The following SPRY3 variants were observed in gnomAD, a reference collection of about 807,000 sequenced individuals.
The protein encoded by SPRY3 is sprouty RTK signaling antagonist 3, also known as protein sprouty homolog 3.
SPRY3 carries 15 observed loss-of-function variants against 20.2 expected under a neutral mutation model. The observed-to-expected ratio is 0.74, with a 90% CI of 0.50 to 1.14. The LOEUF is 1.14. Among genes scored for constraint, SPRY3 ranks in the 50% most tolerant of loss-of-function variants. The probability of loss-of-function intolerance (pLI) is 0.00; values close to 1 mark genes in which losing one functional copy is unlikely to be tolerated. For missense variants in SPRY3, 364 were observed against 363.9 expected (o/e 1.00, Z 0.00); for synonymous variants, 143 against 136.5 (o/e 1.05, Z -0.33).
At chrX:155,769,164 C>G (rs984378085) in intron 3 of SPRY3, among the ~76,000 whole-genome samples, 1 of 152,096 alleles carries the variant, frequency 6.6e-6, no homozygotes, top group Non-Finnish European at 1.5e-5. Flanking sequence ...CTATAACATT[C>G]TATATATTTG....
At chrX:155,765,028 G>A (rs1392248783) in intron 2 of SPRY3, among the ~76,000 whole-genome samples, 2 of 152,100 alleles carry the variant, frequency 1.3e-5, no homozygotes, top group East Asian at 3.8e-4. Context: ...GCCAAGGCAG[G>A]TCTTCGGGGC....
intron 2 of SPRY3, among the ~76,000 whole-genome samples, chrX:155,710,661 C>G (rs1205733287): frequency 2.0e-5 from 3 of 151,592 alleles, no homozygotes; most frequent in Admixed American, 6.6e-5. Context: ...ATTTCTTTCT[C>G]TTGTCTGATT....
At chrX:155,724,393 G>A (rs2091083636) in intron 2 of SPRY3, among the ~76,000 whole-genome samples, 1 of 152,114 alleles carries the variant, frequency 6.6e-6, no homozygotes, top group African/African-American at 2.4e-5. Context: ...CTATTTTCAT[G>A]ATATTCATTC....
intron 2 of SPRY3, among the ~76,000 whole-genome samples, chrX:155,743,359 C>G (rs2091212279): frequency 6.6e-6 from 1 of 152,044 alleles, no homozygotes; most frequent in African/African-American, 2.4e-5. Context: ...CATGGTCATG[C>G]CAAGTGTCTC....
chrX:155,718,067 T>G (rs2091034146), intron 2 of SPRY3, among the ~76,000 whole-genome samples: 1 of 152,134 alleles, frequency 6.6e-6, no homozygotes, highest in African/African-American at 2.4e-5. Context: ...TCCCACTGTT[T>G]TTACTGGAAT....
intron 2 of SPRY3, among the ~76,000 whole-genome samples, chrX:155,715,990 C>A (rs1238007797): frequency 1.3e-5 from 2 of 152,172 alleles, no homozygotes; most frequent in Admixed American, 1.3e-4. Context: ...TTGCCCTCCT[C>A]AATGCCTCTT....
At chrX:155,762,574 G>A (rs1246774752) in intron 2 of SPRY3, among the ~76,000 whole-genome samples, 2 of 152,114 alleles carry the variant, frequency 1.3e-5, no homozygotes, top group Admixed American at 6.6e-5. Context: ...TGTAACTAAA[G>A]CATTTGTGAT....
intron 1 of SPRY3, among the ~76,000 whole-genome samples, chrX:155,644,626 A>C (rs889156372): frequency 9.0e-6 from 1 of 111,026 alleles, no homozygotes; most frequent in African/African-American, 3.3e-5. Context: ...CCACCAGCAC[A>C]GGCCCACAGG....
intron 1 of SPRY3, among the ~76,000 whole-genome samples, chrX:155,638,249 G>A (rs1375949328): frequency 1.1e-5 from 1 of 89,968 alleles, no homozygotes; most frequent in Non-Finnish European, 2.1e-5. Flanking sequence ...GAGCCCAGAT[G>A]TTCAAGACCA....
intron 2 of SPRY3, among the ~76,000 whole-genome samples, chrX:155,717,729 T>C (rs990231302): frequency 3.3e-5 from 5 of 152,142 alleles, no homozygotes; most frequent in African/African-American, 1.2e-4. Flanking sequence ...CTGGAAAGGA[T>C]ATGAACTCAT....
intron 2 of SPRY3, chrX:155,767,662 G>A (rs770084046): frequency 3.5e-5 from 5 of 144,090 alleles, no homozygotes; most frequent in African/African-American, 1.3e-4. Flanking sequence ...ACAGGAGGAG[G>A]AGGAGAAGGG....
At chrX:155,745,068 C>G (rs144759332) in intron 2 of SPRY3, among the ~76,000 whole-genome samples, 5,664 of 152,062 alleles carry the variant, frequency 0.037, 156 homozygotes, top group East Asian at 0.15. Context: ...TCTCACCATT[C>G]AAATGTTCCT....
chrX:155,772,738 T>C (rs1485793194), intron 3 of SPRY3, among the ~76,000 whole-genome samples: 1 of 152,136 alleles, frequency 6.6e-6, no homozygotes. Flanking sequence ...TTCCTGACTG[T>C]AGTACAATGG....
intron 2 of SPRY3, among the ~76,000 whole-genome samples, chrX:155,727,674 C>T (rs1457602497): frequency 1.3e-5 from 2 of 152,062 alleles, no homozygotes; most frequent in Admixed American, 1.3e-4. Flanking sequence ...CTTCTCTACT[C>T]TGTTTATTCT....
At chrX:155,740,052 T>A (rs921333499) in intron 2 of SPRY3, among the ~76,000 whole-genome samples, 107 of 152,138 alleles carry the variant, frequency 7.0e-4, no homozygotes, top group Non-Finnish European at 1.4e-3. Flanking sequence ...AGGGACCAGC[T>A]GGAGCTGCAG....
chrX:155,675,140 C>G (rs2068055424), intron 2 of SPRY3, among the ~76,000 whole-genome samples: 1 of 111,842 alleles, frequency 8.9e-6, no homozygotes, highest in Non-Finnish European at 1.9e-5. Flanking sequence ...AAATGCCTGC[C>G]TTATTCAATC....
chrX:155,747,781 A>G (rs1006178507), intron 2 of SPRY3, among the ~76,000 whole-genome samples: 8 of 151,936 alleles, frequency 5.3e-5, no homozygotes, highest in African/African-American at 1.9e-4. Context: ...CACCTGACCA[A>G]AAACGTTATT....
intron 2 of SPRY3, among the ~76,000 whole-genome samples, chrX:155,677,878 C>T (rs1344099713): frequency 9.0e-6 from 1 of 111,441 alleles, no homozygotes; most frequent in Non-Finnish European, 1.9e-5. Flanking sequence ...TCCTGGCCAA[C>T]ACTTTGATGA....
intron 1 of SPRY3, among the ~76,000 whole-genome samples, chrX:155,630,977 G>T (rs934788045): frequency 1.8e-5 from 2 of 109,255 alleles, no homozygotes; most frequent in Admixed American, 9.9e-5. Flanking sequence ...AGATACGGGG[G>T]TACATGTGCA....
Sources: gnomAD v4.1 joint callset for allele counts (sites outside exome capture counted in the v4.1 genomes callset) on GRCh38, gnomAD v4.1.1 for gene constraint, MANE v1.5 for transcripts, NCBI Gene and HGNC (gene_info 2026-07-23, HGNC 2026-07-21) for gene names.